The following HHAT variants were observed in gnomAD, a reference collection of about 807,000 sequenced individuals.
The protein encoded by HHAT is hedgehog acyltransferase.
A neutral mutation model predicts 70.8 loss-of-function variants in HHAT; 47 were observed. The observed-to-expected ratio is 0.66, with a 90% CI of 0.53 to 0.85. The LOEUF (loss-of-function observed/expected upper bound fraction) is 0.85. Ranked by LOEUF, HHAT falls within the 40% of genes least tolerant of loss-of-function variation. HHAT has a pLI of 0.00. For missense variants in HHAT, 609 were observed against 604.8 expected, an observed-to-expected ratio of 1.01 and a Z score of -0.07; for synonymous variants, 228 against 247.6, an observed-to-expected ratio of 0.92 and a Z score of 0.74.
chr1:210,645,290 T>A (rs559846609), intron 11 of HHAT, among the ~76,000 whole-genome samples: 5 of 152,148 alleles, frequency 3.3e-5, no homozygotes, highest in Admixed American at 2.0e-4. Context: ...GTATATATAT[T>A]TTTTTGAGAC....
At chr1:210,665,108 G>T (rs907361982) in intron 11 of HHAT, among the ~76,000 whole-genome samples, 1 of 152,214 alleles carries the variant, frequency 6.6e-6, no homozygotes, top group Non-Finnish European at 1.5e-5. Flanking sequence ...TAACCAGGTT[G>T]GCTGTGTGGG....
intron 7 of HHAT, among the ~76,000 whole-genome samples, chr1:210,457,280 C>T (rs781149166): frequency 2.0e-5 from 3 of 151,946 alleles, no homozygotes; most frequent in Non-Finnish European, 4.4e-5. Context: ...CAGTACTTAC[C>T]CCACATCTTA....
chr1:210,421,672 T>C (rs960923947), intron 7 of HHAT, among the ~76,000 whole-genome samples: 3 of 152,132 alleles, frequency 2.0e-5, no homozygotes, highest in African/African-American at 7.2e-5. Flanking sequence ...CTTGAACTCC[T>C]GACCTCAAGT....
In HHAT at chr1:210,406,606, C is replaced by T. The variant is rs148486201; in HGVS notation, c.684+1927C>T. Among the ~76,000 whole-genome samples the T allele has an allele frequency of 4.1e-3, 624 of 152,200 alleles. 5 individuals are homozygous for T. The highest frequency in any genetic ancestry group is 0.014 in the African/African-American group (569 of 41,518). ...ACCGGGTTTTGCTATGTTTCCCAGGCTTGTCTCTAACTCCTGAGGTCAGGC... is the reference window on the plus strand; with the variant it reads ...ACCGGGTTTTGCTATGTTTCCCAGGTTTGTCTCTAACTCCTGAGGTCAGGC... On this transcript the variant is annotated intron_variant, in intron 6 of 11. Transcript: ENST00000261458.
intron 8 of HHAT, among the ~76,000 whole-genome samples, chr1:210,491,433 G>C (rs763396481): frequency 3.3e-4 from 50 of 152,260 alleles, no homozygotes; most frequent in South Asian, 2.1e-4. Flanking sequence ...CAGTAGTTAC[G>C]ACTTTGAGCC....
At chr1:210,462,163 C>T (rs1049127367) in intron 7 of HHAT, among the ~76,000 whole-genome samples, 11 of 152,118 alleles carry the variant, frequency 7.2e-5, no homozygotes, top group African/African-American at 2.4e-4. Context: ...CATGAAGCAA[C>T]CCATTTTTCC....
intron 3 of HHAT, among the ~76,000 whole-genome samples, chr1:210,364,750 C>A (rs149625261): frequency 1.3e-5 from 2 of 152,332 alleles, no homozygotes; most frequent in African/African-American, 4.8e-5. Context: ...CTCCAGAGTC[C>A]TGCAGAGATG....
intron 11 of HHAT, among the ~76,000 whole-genome samples, chr1:210,663,502 A>G (rs1343107816): frequency 6.6e-6 from 1 of 152,136 alleles, no homozygotes; most frequent in South Asian, 2.1e-4. Flanking sequence ...TACTTCTCCG[A>G]GCCTTAGTTT....
intron 11 of HHAT, among the ~76,000 whole-genome samples, chr1:210,674,035 T>C (rs967360093): frequency 1.3e-5 from 2 of 151,950 alleles, no homozygotes; most frequent in Admixed American, 6.6e-5. Flanking sequence ...TGTATACATG[T>C]GCCATGCTGG....
At chr1:210,560,116 AC>A (rs1415840625) in intron 9 of HHAT, among the ~76,000 whole-genome samples, 1 of 151,550 alleles carries the variant, frequency 6.6e-6, no homozygotes, top group African/African-American at 2.4e-5. Flanking sequence ...TCAAATGAAA[AC>A]CCTCAGTCCT....
chr1:210,541,237 C>T (rs578153881), intron 9 of HHAT, among the ~76,000 whole-genome samples: 1 of 151,984 alleles, frequency 6.6e-6, no homozygotes, highest in East Asian at 1.9e-4. Flanking sequence ...TGAATGAAAC[C>T]ACAATAATGA....
chr1:210,386,981 C>G (rs878893855), intron 3 of HHAT, among the ~76,000 whole-genome samples: 1 of 152,184 alleles, frequency 6.6e-6, no homozygotes, highest in Non-Finnish European at 1.5e-5. Context: ...GAATAACTGA[C>G]TTTAAGCCAT....
intron 10 of HHAT, among the ~76,000 whole-genome samples, chr1:210,604,297 A>T (rs2148826235): frequency 6.7e-6 from 1 of 150,124 alleles, no homozygotes; most frequent in East Asian, 2.0e-4. Context: ...CATGTTAGCC[A>T]GGATGGTCTC....
intron 9 of HHAT, among the ~76,000 whole-genome samples, chr1:210,544,434 A>G (rs1391440818): frequency 7.2e-6 from 1 of 139,118 alleles, no homozygotes; most frequent in Non-Finnish European, 1.5e-5. Flanking sequence ...GTGCAAGGGC[A>G]TGAACTCAGC....
chr1:210,433,508 C>T lies in HHAT; in HGVS notation c.856+15183C>T, dbSNP rs144126688. Among the ~76,000 whole-genome samples the T allele has an allele frequency of 8.7e-3, 1,314 of 151,816 alleles. 18 individuals are homozygous for T. The highest frequency in any genetic ancestry group is 0.02 in the Middle Eastern group (6 of 294). Reference sequence around the variant, plus strand: ...GTGGGATTGATTTGATGTGGTTAATCAAAGGAGAGAAATATTCACATACTC... The same window carrying T: ...GTGGGATTGATTTGATGTGGTTAATTAAAGGAGAGAAATATTCACATACTC... On this transcript the variant is annotated intron_variant, in intron 7 of 11. Coordinates refer to ENST00000261458, the MANE Select transcript of HHAT (RefSeq NM_018194.6).
chr1:210,640,653 C>T (rs1335201081), intron 11 of HHAT, among the ~76,000 whole-genome samples: 2 of 150,896 alleles, frequency 1.3e-5, no homozygotes, highest in South Asian at 2.1e-4. Context: ...GTGCGTGTAA[C>T]CCCCGCACTC....
At chr1:210,507,359 CTTTTTT>C (rs927392992) in intron 8 of HHAT, among the ~76,000 whole-genome samples, 5 of 122,540 alleles carry the variant, frequency 4.1e-5, no homozygotes, top group East Asian at 2.3e-4. Flanking sequence ...TTTCTTTTTT[CTTTTTT>C]TTTTTTTTTT....
intron 3 of HHAT, among the ~76,000 whole-genome samples, chr1:210,377,390 A>G (rs2090311418): frequency 6.6e-6 from 1 of 152,164 alleles, no homozygotes; most frequent in Admixed American, 6.5e-5. Context: ...AAAATAATAC[A>G]GTTTTGTGCC....
At chr1:210,514,330 A>G (rs1327299941) in intron 9 of HHAT, among the ~76,000 whole-genome samples, 1 of 152,200 alleles carries the variant, frequency 6.6e-6, no homozygotes, top group Non-Finnish European at 1.5e-5. Context: ...TAGTGTGTGA[A>G]CTGCTATCTT....
Sources: gnomAD v4.1 joint callset for allele counts (sites outside exome capture counted in the v4.1 genomes callset) on GRCh38, gnomAD v4.1.1 for gene constraint, MANE v1.5 for transcripts, NCBI Gene and HGNC (gene_info 2026-07-23, HGNC 2026-07-21) for gene names.